The following KIAA1958 variants were observed in gnomAD, a reference collection of about 807,000 sequenced individuals.
The protein encoded by KIAA1958 is KIAA1958, also known as uncharacterized protein KIAA1958.
In KIAA1958, 14 loss-of-function variants were observed where a neutral mutation model predicts 47.2. The ratio of observed to expected loss-of-function variants is 0.30; its 90% confidence interval spans 0.20 to 0.46. The LOEUF (loss-of-function observed/expected upper bound fraction) is 0.46. KIAA1958 is among the 20% of genes least tolerant of loss of function. The pLI is 1.00. For missense variants in KIAA1958, 803 were observed against 909.2 expected, an observed-to-expected ratio of 0.88 and a Z score of 1.50; for synonymous variants, 354 against 353.3, an observed-to-expected ratio of 1.00 and a Z score of -0.02.
At chr9:112,497,084 G>T (rs1208596262) in intron 1 of KIAA1958, among the ~76,000 whole-genome samples, 2 of 152,130 alleles carry the variant, frequency 1.3e-5, no homozygotes, top group African/African-American at 2.4e-5. Flanking sequence ...ACAGTTGTAA[G>T]ATATAATACA....
At chr9:112,530,294 C>G (rs1212486108) in intron 1 of KIAA1958, among the ~76,000 whole-genome samples, 1 of 152,134 alleles carries the variant, frequency 6.6e-6, no homozygotes, top group Non-Finnish European at 1.5e-5. Context: ...CTTTGTTGCT[C>G]AAATTGCTCT....
intron 2 of KIAA1958, among the ~76,000 whole-genome samples, chr9:112,638,569 G>A (rs986776389): frequency 5.9e-5 from 9 of 151,932 alleles, no homozygotes; most frequent in African/African-American, 1.7e-4. Context: ...GTTATTCTAC[G>A]TGCCTACATT....
chr9:112,515,348 GC>G (rs1834406895), intron 1 of KIAA1958, among the ~76,000 whole-genome samples: 1 of 134,968 alleles, frequency 7.4e-6, no homozygotes, highest in South Asian at 2.5e-4. Context: ...GAAGTGAGGA[GC>G]CCCTCTGCCC....
chr9:112,612,556 T>G (rs1357186232), intron 2 of KIAA1958, among the ~76,000 whole-genome samples: 2 of 145,340 alleles, frequency 1.4e-5, no homozygotes, highest in Non-Finnish European at 3.0e-5. Flanking sequence ...AACTAGTATG[T>G]ACTTGAAAAA....
intron 1 of KIAA1958, among the ~76,000 whole-genome samples, chr9:112,533,497 C>T (rs1463335019): frequency 1.4e-5 from 2 of 144,450 alleles, no homozygotes; most frequent in Admixed American, 7.3e-5. Context: ...AGTAGAATGG[C>T]GTGAACCCGG....
At chr9:112,603,038 G>A (rs1836161958) in intron 2 of KIAA1958, among the ~76,000 whole-genome samples, 1 of 152,038 alleles carries the variant, frequency 6.6e-6, no homozygotes, top group South Asian at 2.1e-4. Flanking sequence ...CTAGACCCTG[G>A]GAATAAAGCA....
chr9:112,567,021 A>C (rs1161912712), intron 1 of KIAA1958, among the ~76,000 whole-genome samples: 1 of 152,214 alleles, frequency 6.6e-6, no homozygotes, highest in African/African-American at 2.4e-5. Flanking sequence ...ACATTATGAC[A>C]TAGAATTAAG....
intron 1 of KIAA1958, among the ~76,000 whole-genome samples, chr9:112,518,333 A>G (rs1834474705): frequency 6.6e-6 from 1 of 152,384 alleles, no homozygotes; most frequent in Non-Finnish European, 1.5e-5. Flanking sequence ...TAGCAAGTGA[A>G]TGGATAAAAT....
intron 2 of KIAA1958, 103 bp downstream of exon 2, chr9:112,575,354 C>CTTT: frequency 1.4e-6 from 1 of 721,894 alleles, no homozygotes. Flanking sequence ...GAATTCAGTC[C>CTTT]TTTGTTAGTC....
At chr9:112,523,698 T>C (rs983382445) in intron 1 of KIAA1958, among the ~76,000 whole-genome samples, 1 of 152,182 alleles carries the variant, frequency 6.6e-6, no homozygotes, top group Non-Finnish European at 1.5e-5. Context: ...AGTTACCACA[T>C]GTATCAAATA....
In KIAA1958 at chr9:112,660,177, C is replaced by A; in HGVS notation, c.*108C>A. 2 of 914,408 alleles carry A rather than the reference C, an allele frequency of 2.2e-6. No homozygotes were observed. Among genetic ancestry groups the A allele is most frequent in the Non-Finnish European group, 3.3e-6 (2 of 599,680 alleles). 56.6% of individuals were successfully genotyped at this position (914,408 alleles called of 1,614,324 possible). A position where few individuals can be genotyped will look rare whatever the true frequency, so the allele number is the denominator to read the frequency against. ...GGCTGACCAGGTGTGACCTCCCGGT[C>A]TGGCGGCTCTCCCCTGGTGTGGCCT... On this transcript the variant is annotated 3_prime_UTR_variant, in exon 4 of 4. Coordinates refer to ENST00000337530, the MANE Select transcript of KIAA1958 (RefSeq NM_133465.4).
At position 112,651,203 on chromosome 9, in the gene KIAA1958, T is replaced by A. The variant is rs112686933; in HGVS notation, c.1344+5381T>A. ...ACCTGTATGTAGCACTCCAACCAAG[T>A]GCAGAATACAAATTCTTTCCAAATG... is the stretch of plus-strand genomic sequence containing the variant. On this transcript the variant is annotated intron_variant, in intron 3 of 3. Coordinates refer to ENST00000337530, the MANE Select transcript of KIAA1958 (RefSeq NM_133465.4). 3.3e-5 allele frequency among the ~76,000 whole-genome samples: 5 copies of A among 152,186 alleles called. 1 individual carries two copies. The highest frequency in any genetic ancestry group is 1.2e-4 in the African/African-American group (5 of 41,536).
At chr9:112,606,289 G>T (rs1162992165) in intron 2 of KIAA1958, among the ~76,000 whole-genome samples, 9 of 152,050 alleles carry the variant, frequency 5.9e-5, no homozygotes, top group African/African-American at 2.2e-4. Flanking sequence ...GGGTACATAG[G>T]TTCACGGGAG....
intron 2 of KIAA1958, among the ~76,000 whole-genome samples, chr9:112,578,389 G>C (rs959608861): frequency 6.6e-6 from 1 of 152,178 alleles, no homozygotes; most frequent in Non-Finnish European, 1.5e-5. Flanking sequence ...ACTAAGCAAA[G>C]AAGACAGGTT....
At chr9:112,525,260 A>G (rs1007858615) in intron 1 of KIAA1958, among the ~76,000 whole-genome samples, 1 of 152,158 alleles carries the variant, frequency 6.6e-6, no homozygotes, top group Non-Finnish European at 1.5e-5. Context: ...CTGTGTAGGG[A>G]TTAATGAGAG....
At chr9:112,513,315 GT>G (rs1332214966) in intron 1 of KIAA1958, among the ~76,000 whole-genome samples, 1 of 140,400 alleles carries the variant, frequency 7.1e-6, no homozygotes, top group African/African-American at 2.7e-5. Flanking sequence ...AGGGATAGGT[GT>G]CTTGCATTTA....
At chr9:112,544,308 C>T (rs1318269481) in intron 1 of KIAA1958, among the ~76,000 whole-genome samples, 1 of 152,196 alleles carries the variant, frequency 6.6e-6, no homozygotes, top group Non-Finnish European at 1.5e-5. Flanking sequence ...TTGTTTTACT[C>T]ATGAAAAACT....
At chr9:112,541,583 C>T (rs1834944576) in intron 1 of KIAA1958, among the ~76,000 whole-genome samples, 1 of 152,098 alleles carries the variant, frequency 6.6e-6, no homozygotes, top group African/African-American at 2.4e-5. Context: ...GTGGGCAGAT[C>T]ACCAGAGGTC....
intron 1 of KIAA1958, among the ~76,000 whole-genome samples, chr9:112,517,111 A>G (rs1006077663): frequency 1.2e-4 from 5 of 41,724 alleles, no homozygotes; most frequent in African/African-American, 4.9e-4. Context: ...CTGAACTTCA[A>G]ATATGGAAGG....
Sources: allele counts gnomAD v4.1 joint callset (sites outside exome capture counted in the v4.1 genomes callset), GRCh38; gene constraint gnomAD v4.1.1; transcripts MANE v1.5; gene names NCBI Gene and HGNC (gene_info 2026-07-23, HGNC 2026-07-21).